GPM6A: variants seen among roughly 807,000 people sequenced by gnomAD.
The protein encoded by GPM6A is neuronal membrane glycoprotein M6-a.
In GPM6A, 7 loss-of-function variants were observed where a neutral mutation model predicts 32.1. The ratio of observed to expected loss-of-function variants is 0.22; its 90% CI spans 0.12 to 0.41. The LOEUF (loss-of-function observed/expected upper bound fraction) is 0.41, where lower values mean the gene tolerates loss of function less well. Among genes scored for constraint, GPM6A ranks in the 10% least tolerant of loss-of-function variants. The pLI, the probability that GPM6A is intolerant of heterozygous loss-of-function variation, is 1.00. For missense variants in GPM6A, 235 were observed against 347.2 expected (o/e 0.68, Z 2.57); for synonymous variants, 130 against 123.4 (o/e 1.05, Z -0.35).
intron 1 of GPM6A, among the ~76,000 whole-genome samples, chr4:175,724,642 G>T (rs940855618): frequency 8.5e-5 from 13 of 152,100 alleles, no homozygotes; most frequent in African/African-American, 3.1e-4. Flanking sequence ...TAGAAAAAAT[G>T]AACTGTGCAT....
intron 1 of GPM6A, among the ~76,000 whole-genome samples, chr4:175,865,375 A>G (rs1203929212): frequency 6.6e-6 from 1 of 152,180 alleles, no homozygotes; most frequent in African/African-American, 2.4e-5. Flanking sequence ...TTACCTAATT[A>G]TGCTCTTCTT....
At chr4:175,650,766 G>T (rs555710792) in intron 4 of GPM6A, among the ~76,000 whole-genome samples, 4 of 152,232 alleles carry the variant, frequency 2.6e-5, no homozygotes, top group South Asian at 4.1e-4. Flanking sequence ...AAAGCCACAA[G>T]CCCTTCATAC....
At chr4:175,880,435 T>A (rs1290395166) in intron 1 of GPM6A, among the ~76,000 whole-genome samples, 1 of 152,192 alleles carries the variant, frequency 6.6e-6, no homozygotes, top group Non-Finnish European at 1.5e-5. Flanking sequence ...AAGTCATTGT[T>A]AGCTTGATGG....
At chr4:175,648,066 T>C (rs1741572484) in intron 4 of GPM6A, among the ~76,000 whole-genome samples, 1 of 152,152 alleles carries the variant, frequency 6.6e-6, no homozygotes, top group Non-Finnish European at 1.5e-5. Context: ...TAACCACATA[T>C]TTATGCTTTA....
chr4:175,836,710 C>A (rs1235402722), intron 1 of GPM6A, among the ~76,000 whole-genome samples: 3 of 149,016 alleles, frequency 2.0e-5, no homozygotes. Context: ...ACAGCTTGAG[C>A]AAAAAAAAAA....
At chr4:175,721,045 T>C (rs151217081) in intron 1 of GPM6A, among the ~76,000 whole-genome samples, 1 of 131,500 alleles carries the variant, frequency 7.6e-6, no homozygotes, top group Middle Eastern at 3.8e-3. Context: ...ATATATTATA[T>C]ATATATATGT....
At chr4:175,762,023 A>T (rs1732765832) in intron 1 of GPM6A, among the ~76,000 whole-genome samples, 1 of 152,096 alleles carries the variant, frequency 6.6e-6, no homozygotes, top group Admixed American at 6.6e-5. Flanking sequence ...CGAACTCTTG[A>T]CCTCAGGTAA....
At chr4:175,945,691 T>C (rs575293275) in intron 1 of GPM6A, among the ~76,000 whole-genome samples, 1 of 105,898 alleles carries the variant, frequency 9.4e-6, no homozygotes, top group East Asian at 2.5e-4. Context: ...TAATATAACT[T>C]ATATTACTTG....
At chr4:175,778,194 A>G (rs1359206172) in intron 1 of GPM6A, among the ~76,000 whole-genome samples, 1 of 152,184 alleles carries the variant, frequency 6.6e-6, no homozygotes, top group Non-Finnish European at 1.5e-5. Flanking sequence ...TGTGGGAAAA[A>G]TTATCCTAAG....
intron 1 of GPM6A, among the ~76,000 whole-genome samples, chr4:175,978,753 A>G (rs1007158881): frequency 6.6e-6 from 1 of 152,212 alleles, no homozygotes; most frequent in Non-Finnish European, 1.5e-5. Flanking sequence ...TCTGAGTTTT[A>G]ATCTGAATCA....
chr4:175,920,442 T>C (rs1407885512), intron 1 of GPM6A, among the ~76,000 whole-genome samples: 1 of 152,238 alleles, frequency 6.6e-6, no homozygotes, highest in Admixed American at 6.5e-5. Flanking sequence ...CAAAGAATGT[T>C]AGTAACTAAT....
intron 1 of GPM6A, among the ~76,000 whole-genome samples, chr4:175,972,245 A>G (rs554882962): frequency 2.6e-5 from 4 of 152,358 alleles, no homozygotes; most frequent in African/African-American, 9.6e-5. Flanking sequence ...TGTGATGTAT[A>G]TACATTTAAG....
At chr4:175,672,288 G>T (rs932853273) in intron 3 of GPM6A, among the ~76,000 whole-genome samples, 1 of 152,142 alleles carries the variant, frequency 6.6e-6, no homozygotes, top group Non-Finnish European at 1.5e-5. Flanking sequence ...TCACAGACTC[G>T]TTGAGCTGGA....
intron 1 of GPM6A, among the ~76,000 whole-genome samples, chr4:175,847,938 G>A (rs1024497580): frequency 6.6e-6 from 1 of 152,286 alleles, no homozygotes; most frequent in South Asian, 2.1e-4. Flanking sequence ...ATCATCCACT[G>A]GAGGGTCTTG....
intron 1 of GPM6A, among the ~76,000 whole-genome samples, chr4:175,889,415 C>T (rs755409954): frequency 1.5e-4 from 23 of 151,940 alleles, no homozygotes; most frequent in Non-Finnish European, 3.2e-4. Flanking sequence ...GTCCCACATA[C>T]TCTGGAGGCT....
intron 1 of GPM6A, among the ~76,000 whole-genome samples, chr4:175,985,659 G>A (rs1273063510): frequency 6.6e-6 from 1 of 152,124 alleles, no homozygotes; most frequent in African/African-American, 2.4e-5. Flanking sequence ...AATGTTTCTA[G>A]TGTTTCACCA....
chr4:175,751,745 G>GT (rs113661841), intron 1 of GPM6A, among the ~76,000 whole-genome samples: 5,954 of 143,088 alleles, frequency 0.042, 149 homozygotes, highest in Non-Finnish European at 0.048. Context: ...CGATGCACCT[G>GT]TTTTTTTTTT....
chr4:175,793,121 C>T (rs1180961968), intron 1 of GPM6A, among the ~76,000 whole-genome samples: 3 of 152,218 alleles, frequency 2.0e-5, no homozygotes, highest in African/African-American at 7.2e-5. Flanking sequence ...CATTCTTTAG[C>T]TAGTACAGAT....
intron 3 of GPM6A, among the ~76,000 whole-genome samples, chr4:175,664,690 A>G (rs893451895): frequency 6.6e-6 from 1 of 152,120 alleles, no homozygotes; most frequent in Admixed American, 6.5e-5. Context: ...TATGTATTTC[A>G]TTCTACTTCA....
Sources: gnomAD v4.1 joint callset for allele counts (sites outside exome capture counted in the v4.1 genomes callset) on GRCh38, gnomAD v4.1.1 for gene constraint, MANE v1.5 for transcripts, NCBI Gene and HGNC (gene_info 2026-07-23, HGNC 2026-07-21) for gene names.